CLSTN2: variants seen among roughly 807,000 people sequenced by gnomAD.
The protein encoded by CLSTN2 is calsyntenin 2.
A neutral mutation model predicts 101.2 loss-of-function variants in CLSTN2; 48 were observed. The ratio of observed to expected loss-of-function variants is 0.47; its 90% CI spans 0.38 to 0.60. The LOEUF is 0.60. CLSTN2 is among the 20% of genes least tolerant of loss of function. CLSTN2 has a pLI of 0.00. For synonymous variants in CLSTN2, 481 were observed against 463.6 expected (o/e 1.04, Z -0.48); for missense variants, 1,160 against 1,238.2 (o/e 0.94, Z 0.95).
intron 1 of CLSTN2, among the ~76,000 whole-genome samples, chr3:140,012,431 G>C (rs2007098091): frequency 6.6e-6 from 1 of 152,074 alleles, no homozygotes; most frequent in Non-Finnish European, 1.5e-5. Flanking sequence ...TGCCGTCAAG[G>C]TCCCCAGCAT....
chr3:140,532,548 T>C (rs1227176214), intron 9 of CLSTN2, 62 bp downstream of exon 9: 23 of 1,424,124 alleles, frequency 1.6e-5, no homozygotes, highest in South Asian at 3.3e-5. Context: ...AAGATACTTG[T>C]AGAGAAAAAG....
intron 1 of CLSTN2, among the ~76,000 whole-genome samples, chr3:139,979,355 T>G (rs1010835036): frequency 6.6e-6 from 1 of 152,322 alleles, no homozygotes; most frequent in Non-Finnish European, 1.5e-5. Context: ...TCATTCATTA[T>G]TTAAATATTT....
At chr3:140,556,771 C>A in intron 11 of CLSTN2, 110 bp downstream of exon 11, 1 of 1,007,302 alleles carries the variant, frequency 9.9e-7, no homozygotes. Flanking sequence ...CTTTCGTCAG[C>A]TGTCCTCAAC....
chr3:140,132,984 A>G (rs918577255), intron 1 of CLSTN2, among the ~76,000 whole-genome samples: 3 of 152,216 alleles, frequency 2.0e-5, no homozygotes, highest in Admixed American at 2.0e-4. Flanking sequence ...ATTTCTATAA[A>G]GGAATACCCA....
intron 2 of CLSTN2, among the ~76,000 whole-genome samples, chr3:140,200,917 T>A (rs1458057910): frequency 6.6e-6 from 1 of 151,990 alleles, no homozygotes; most frequent in Non-Finnish European, 1.5e-5. Context: ...AGTTGACACA[T>A]CACCAAAGGA....
At chr3:140,340,028 T>A (rs1317326435) in intron 2 of CLSTN2, among the ~76,000 whole-genome samples, 1 of 152,194 alleles carries the variant, frequency 6.6e-6, no homozygotes, top group Non-Finnish European at 1.5e-5. Context: ...GAGCGCATGA[T>A]CTTGCAGGGT....
At chr3:140,067,626 G>A (rs1487977726) in intron 1 of CLSTN2, among the ~76,000 whole-genome samples, 2 of 152,216 alleles carry the variant, frequency 1.3e-5, no homozygotes, top group Non-Finnish European at 2.9e-5. Context: ...GGTGATGTCA[G>A]GATGTAAATC....
intron 1 of CLSTN2, among the ~76,000 whole-genome samples, chr3:140,084,954 A>G (rs1421230225): frequency 6.6e-6 from 1 of 152,186 alleles, no homozygotes; most frequent in Admixed American, 6.5e-5. Context: ...TGTGAGTGCA[A>G]ATGTGGTGTA....
chr3:139,958,782 C>A (rs1430444174), intron 1 of CLSTN2, among the ~76,000 whole-genome samples: 1 of 151,136 alleles, frequency 6.6e-6, no homozygotes, highest in African/African-American at 2.4e-5. Flanking sequence ...TGCAGGTATA[C>A]CATATTTCAT....
intron 8 of CLSTN2, among the ~76,000 whole-genome samples, chr3:140,531,211 C>T (rs1222158132): frequency 1.3e-5 from 2 of 152,138 alleles, no homozygotes; most frequent in African/African-American, 4.8e-5. Flanking sequence ...CTGGACCCCT[C>T]CTGCTTACCT....
intron 2 of CLSTN2, among the ~76,000 whole-genome samples, chr3:140,373,146 T>A (rs2087877261): frequency 2.0e-5 from 3 of 152,226 alleles, no homozygotes; most frequent in African/African-American, 7.2e-5. Context: ...TGTTTTTAAC[T>A]CGGTATTTTC....
intron 1 of CLSTN2, among the ~76,000 whole-genome samples, chr3:139,992,339 A>G (rs1936128997): frequency 6.6e-6 from 1 of 152,202 alleles, no homozygotes; most frequent in Non-Finnish European, 1.5e-5. Context: ...CAGAATTGAA[A>G]GAATGCCTCC....
At chr3:140,202,511 G>T (rs1402718484) in intron 2 of CLSTN2, among the ~76,000 whole-genome samples, 1 of 152,200 alleles carries the variant, frequency 6.6e-6, no homozygotes, top group East Asian at 1.9e-4. Flanking sequence ...GGTTGGAGAA[G>T]GATGACCAGG....
chr3:140,497,889 A>AG (rs1262696308), intron 8 of CLSTN2, among the ~76,000 whole-genome samples: 1 of 151,992 alleles, frequency 6.6e-6, no homozygotes, highest in African/African-American at 2.4e-5. Context: ...TTTTTCCGGG[A>AG]GGGGTCATAC....
intron 1 of CLSTN2, among the ~76,000 whole-genome samples, chr3:140,047,567 A>T (rs1375998526): frequency 6.6e-6 from 1 of 152,192 alleles, no homozygotes; most frequent in Non-Finnish European, 1.5e-5. Flanking sequence ...GAAACTGGTT[A>T]ATTTATAAAG....
At chr3:140,238,738 C>T (rs1169001743) in intron 2 of CLSTN2, among the ~76,000 whole-genome samples, 1 of 152,156 alleles carries the variant, frequency 6.6e-6, no homozygotes, top group Non-Finnish European at 1.5e-5. Flanking sequence ...TGTGCCTTCT[C>T]AGAACACCAT....
At chr3:140,503,744 T>C (rs994308841) in intron 8 of CLSTN2, among the ~76,000 whole-genome samples, 2 of 152,180 alleles carry the variant, frequency 1.3e-5, no homozygotes, top group Non-Finnish European at 2.9e-5. Flanking sequence ...AGGAACAAAA[T>C]TATTATCCAA....
intron 2 of CLSTN2, among the ~76,000 whole-genome samples, chr3:140,219,100 A>C (rs901577621): frequency 5.3e-5 from 8 of 152,108 alleles, no homozygotes; most frequent in Middle Eastern, 3.4e-3. Context: ...CCTGCAGTTC[A>C]TGTATCATGT....
chr3:140,154,846 G>A (rs1480756371), intron 1 of CLSTN2, among the ~76,000 whole-genome samples: 4 of 151,852 alleles, frequency 2.6e-5, no homozygotes, highest in African/African-American at 7.3e-5. Flanking sequence ...GGATTTCACC[G>A]TGTTAGCCAG....
Sources: gnomAD v4.1 joint callset for allele counts (sites outside exome capture counted in the v4.1 genomes callset) on GRCh38, gnomAD v4.1.1 for gene constraint, MANE v1.5 for transcripts, NCBI Gene and HGNC (gene_info 2026-07-23, HGNC 2026-07-21) for gene names.